The following PSD3 variants were observed in gnomAD, a reference collection of about 807,000 sequenced individuals.
PSD3 encodes the protein PH and SEC7 domain-containing protein 3.
In PSD3, 49 loss-of-function variants were observed where a neutral mutation model predicts 105.5. The ratio of observed to expected loss-of-function variants is 0.46; its 90% confidence interval spans 0.37 to 0.59. The LOEUF (loss-of-function observed/expected upper bound fraction) is 0.59. Ranked by LOEUF, PSD3 falls within the 20% of genes least tolerant of loss-of-function variation. The pLI, the probability that PSD3 is intolerant of heterozygous loss-of-function variation, is 0.00. For synonymous variants in PSD3, 557 were observed against 457.8 expected (o/e 1.22, Z -2.77); for missense variants, 1,561 against 1,263.8 (o/e 1.24, Z -3.57).
chr8:19,062,232 T>C (rs978246874), intron 1 of PSD3, among the ~76,000 whole-genome samples: 1 of 152,216 alleles, frequency 6.6e-6, no homozygotes, highest in African/African-American at 2.4e-5. Flanking sequence ...GATGTTTGAA[T>C]AGCAGAAGCG....
intron 4 of PSD3, among the ~76,000 whole-genome samples, chr8:18,826,040 G>A (rs1354152729): frequency 6.6e-6 from 1 of 152,166 alleles, no homozygotes; most frequent in Non-Finnish European, 1.5e-5. Flanking sequence ...CAATGTAGGT[G>A]GGTATCATCC....
chr8:18,978,762 C>T (rs1368474836), intron 1 of PSD3, among the ~76,000 whole-genome samples: 4 of 152,176 alleles, frequency 2.6e-5, no homozygotes, highest in Non-Finnish European at 4.4e-5. Context: ...AGCAGCAAAG[C>T]AGACATACGT....
intron 11 of PSD3, among the ~76,000 whole-genome samples, chr8:18,623,855 C>A (rs762704742): frequency 2.4e-4 from 36 of 152,218 alleles, no homozygotes; most frequent in Non-Finnish European, 4.3e-4. Flanking sequence ...TGAATGTATT[C>A]TTACTAAAAA....
At chr8:18,923,614 T>C (rs997975042) in intron 2 of PSD3, among the ~76,000 whole-genome samples, 4 of 152,180 alleles carry the variant, frequency 2.6e-5, no homozygotes, top group African/African-American at 7.2e-5. Context: ...GCTGTGTAGG[T>C]TCGTGGCCTA....
At chr8:18,536,066 C>G (rs1311602346) in intron 15 of PSD3, 108 bp from the exon 16 acceptor site, 2 of 1,076,690 alleles carry the variant, frequency 1.9e-6, no homozygotes, top group East Asian at 5.0e-5. Context: ...CTGTTGAAGA[C>G]TTCGCTTCAT....
intron 9 of PSD3, among the ~76,000 whole-genome samples, chr8:18,730,688 G>A (rs1803682776): frequency 6.6e-6 from 1 of 152,272 alleles, no homozygotes; most frequent in South Asian, 2.1e-4. Flanking sequence ...AATACCAGTA[G>A]CAGCTAATTG....
chr8:18,925,545 A>G (rs963572676), intron 2 of PSD3, among the ~76,000 whole-genome samples: 3 of 152,086 alleles, frequency 2.0e-5, no homozygotes, highest in Non-Finnish European at 4.4e-5. Flanking sequence ...AAAATTCAAA[A>G]TGCTCCAAAA....
chr8:18,550,903 A>G (rs983959440), intron 15 of PSD3, among the ~76,000 whole-genome samples: 1 of 152,226 alleles, frequency 6.6e-6, no homozygotes, highest in Non-Finnish European at 1.5e-5. Context: ...AGGAGATAGC[A>G]TTTGATTCCA....
intron 10 of PSD3, among the ~76,000 whole-genome samples, chr8:18,647,174 T>G: frequency 6.6e-6 from 1 of 152,188 alleles, no homozygotes; most frequent in Non-Finnish European, 1.5e-5. Flanking sequence ...ACTGATTTCC[T>G]GAAAAGACCA....
intron 1 of PSD3, among the ~76,000 whole-genome samples, chr8:18,936,424 G>A (rs888792839): frequency 2.0e-5 from 3 of 152,148 alleles, no homozygotes; most frequent in Non-Finnish European, 4.4e-5. Context: ...CTGAATTATG[G>A]TCGGTTTTTA....
chr8:18,922,026 T>C (rs1159318519), intron 2 of PSD3, among the ~76,000 whole-genome samples: 2 of 152,120 alleles, frequency 1.3e-5, no homozygotes, highest in Non-Finnish European at 2.9e-5. Flanking sequence ...AAATAAATCA[T>C]AAGTTAAAAA....
chr8:18,706,629 A>G (rs565999095), intron 9 of PSD3, among the ~76,000 whole-genome samples: 2 of 152,358 alleles, frequency 1.3e-5, no homozygotes, highest in Admixed American at 1.3e-4. Flanking sequence ...TATATTTTTC[A>G]TCCAGCTGGC....
chr8:18,792,414 G>C (rs1260861643), intron 8 of PSD3, among the ~76,000 whole-genome samples: 1 of 152,168 alleles, frequency 6.6e-6, no homozygotes, highest in Non-Finnish European at 1.5e-5. Flanking sequence ...CCTTTACAGG[G>C]ACAGGGATGG....
intron 1 of PSD3, chr8:19,084,157 C>A: frequency 2.5e-6 from 1 of 402,906 alleles, no homozygotes; most frequent in South Asian, 1.8e-5. Flanking sequence ...GCACGTCTGT[C>A]CCCTGGCTCC....
intron 1 of PSD3, among the ~76,000 whole-genome samples, chr8:19,078,938 G>A (rs764512753): frequency 6.6e-6 from 1 of 150,854 alleles, no homozygotes; most frequent in Non-Finnish European, 1.5e-5. Flanking sequence ...ACCTATTGGA[G>A]TTGCATTGAG....
At chr8:18,726,610 C>T (rs1480083724) in intron 9 of PSD3, among the ~76,000 whole-genome samples, 2 of 152,190 alleles carry the variant, frequency 1.3e-5, no homozygotes, top group African/African-American at 4.8e-5. Flanking sequence ...CCAAACAATT[C>T]TATCTTCTCA....
chr8:18,904,616 G>A (rs1421789507), intron 2 of PSD3, among the ~76,000 whole-genome samples: 1 of 152,118 alleles, frequency 6.6e-6, no homozygotes, highest in Non-Finnish European at 1.5e-5. Context: ...TTGTATCTTG[G>A]AAGTAAATAA....
At chr8:18,552,681 T>C (rs921826963) in intron 15 of PSD3, among the ~76,000 whole-genome samples, 56 of 152,354 alleles carry the variant, frequency 3.7e-4, no homozygotes, top group African/African-American at 1.3e-3. Flanking sequence ...AGTTAATTTA[T>C]AAGGAAATGT....
At chr8:18,626,799 A>G (rs890739282) in intron 11 of PSD3, among the ~76,000 whole-genome samples, 41 of 152,196 alleles carry the variant, frequency 2.7e-4, no homozygotes, top group African/African-American at 9.1e-4. Context: ...AATCCAACAA[A>G]TGAGGTTGGT....
Sources: allele counts gnomAD v4.1 joint callset (sites outside exome capture counted in the v4.1 genomes callset), GRCh38; gene constraint gnomAD v4.1.1; transcripts MANE v1.5; gene names NCBI Gene and HGNC (gene_info 2026-07-23, HGNC 2026-07-21).